The following GPC5 variants were observed in gnomAD, a reference collection of about 807,000 sequenced individuals.
GPC5 encodes glypican-5.
GPC5 carries 47 observed loss-of-function variants against 53.9 expected under a neutral mutation model. That is an observed-to-expected ratio of 0.87 (90% confidence interval 0.69 to 1.11). The LOEUF is 1.11. Among genes scored for constraint, GPC5 ranks in the 50% most tolerant of loss-of-function variants. The pLI is 0.00. For missense variants in GPC5, 748 were observed against 713.1 expected (o/e 1.05, Z -0.56); for synonymous variants, 286 against 263.3 (o/e 1.09, Z -0.84).
At chr13:91,651,718 CA>C (rs36117858) in intron 2 of GPC5, among the ~76,000 whole-genome samples, 1,345 of 91,788 alleles carry the variant, frequency 0.015, 10 homozygotes, top group East Asian at 0.088. Flanking sequence ...AACTCAGTCT[CA>C]AAAAAAAAAA....
At chr13:92,529,098 T>C (rs1881463950) in intron 7 of GPC5, among the ~76,000 whole-genome samples, 1 of 152,184 alleles carries the variant, frequency 6.6e-6, no homozygotes, top group African/African-American at 2.4e-5. Context: ...ATCTTGCTTT[T>C]TAGAATACTT....
At chr13:92,436,376 G>A (rs1877305507) in intron 7 of GPC5, among the ~76,000 whole-genome samples, 1 of 152,138 alleles carries the variant, frequency 6.6e-6, no homozygotes, top group African/African-American at 2.4e-5. Context: ...GAAGAAAAGT[G>A]CCTTTCTCTC....
At chr13:91,634,737 C>T (rs9589317) in intron 2 of GPC5, among the ~76,000 whole-genome samples, 3,101 of 151,948 alleles carry the variant, frequency 0.02, 93 homozygotes, top group African/African-American at 0.071. Context: ...ATGTGAGCAT[C>T]GTGATGGCTA....
intron 5 of GPC5, among the ~76,000 whole-genome samples, chr13:91,823,456 A>T (rs745453969): frequency 1.3e-5 from 2 of 152,092 alleles, no homozygotes; most frequent in Non-Finnish European, 2.9e-5. Context: ...TAAAATTACC[A>T]AAGAGTATGT....
intron 7 of GPC5, among the ~76,000 whole-genome samples, chr13:92,634,828 C>T (rs1321354541): frequency 2.6e-5 from 4 of 151,880 alleles, no homozygotes; most frequent in East Asian, 1.9e-4. Flanking sequence ...TTCTTTTCTC[C>T]GTTGGTTCTA....
At chr13:92,814,945 C>T (rs1311586779) in intron 7 of GPC5, among the ~76,000 whole-genome samples, 1 of 151,738 alleles carries the variant, frequency 6.6e-6, no homozygotes, top group Non-Finnish European at 1.5e-5. Flanking sequence ...TCTCAAATCG[C>T]AAACCACATT....
intron 7 of GPC5, among the ~76,000 whole-genome samples, chr13:92,174,710 C>T (rs1439570852): frequency 6.6e-6 from 1 of 151,648 alleles, no homozygotes; most frequent in Non-Finnish European, 1.5e-5. Flanking sequence ...ACAGATTAGT[C>T]AAAAATACGG....
chr13:92,457,597 T>C (rs1274367689), intron 7 of GPC5, among the ~76,000 whole-genome samples: 1 of 152,196 alleles, frequency 6.6e-6, no homozygotes, highest in African/African-American at 2.4e-5. Flanking sequence ...AGGATAATTA[T>C]AGGATGAATT....
chr13:91,588,438 A>G (rs183331110), intron 2 of GPC5, among the ~76,000 whole-genome samples: 57 of 152,240 alleles, frequency 3.7e-4, no homozygotes, highest in Middle Eastern at 3.4e-3. Flanking sequence ...CTCATTTTGC[A>G]TTGCTGAGTA....
intron 7 of GPC5, among the ~76,000 whole-genome samples, chr13:92,184,498 C>T (rs556051448): frequency 6.6e-6 from 1 of 152,238 alleles, no homozygotes; most frequent in South Asian, 2.1e-4. Context: ...AAGCTTTTAG[C>T]TTCTGTCTTT....
chr13:92,642,201 CA>C (rs1885617413), intron 7 of GPC5, among the ~76,000 whole-genome samples: 2 of 152,160 alleles, frequency 1.3e-5, no homozygotes, highest in African/African-American at 4.8e-5. Flanking sequence ...GGCCCACCTA[CA>C]TTAGGTTGGT....
chr13:92,495,674 T>C (rs1425893110), intron 7 of GPC5, among the ~76,000 whole-genome samples: 1 of 151,926 alleles, frequency 6.6e-6, no homozygotes, highest in East Asian at 1.9e-4. Context: ...TTCTAGGAGA[T>C]GTCTTCATTG....
chr13:91,620,783 G>T (rs775583355), intron 2 of GPC5, among the ~76,000 whole-genome samples: 1 of 152,102 alleles, frequency 6.6e-6, no homozygotes, highest in Non-Finnish European at 1.5e-5. Flanking sequence ...TGGTCTGGAG[G>T]TTGGAAGTGG....
chr13:92,515,450 A>G (rs1026696796), intron 7 of GPC5, among the ~76,000 whole-genome samples: 14 of 152,184 alleles, frequency 9.2e-5, no homozygotes, highest in African/African-American at 3.1e-4. Flanking sequence ...ATGAAGCTTG[A>G]CACCAGTATG....
chr13:91,731,991 C>A (rs2036709575), intron 4 of GPC5, among the ~76,000 whole-genome samples: 1 of 152,206 alleles, frequency 6.6e-6, no homozygotes, highest in Non-Finnish European at 1.5e-5. Flanking sequence ...CTGCAATAAA[C>A]ATACATGTGC....
At chr13:92,643,184 C>G (rs1330548514) in intron 7 of GPC5, among the ~76,000 whole-genome samples, 1 of 152,030 alleles carries the variant, frequency 6.6e-6, no homozygotes, top group Non-Finnish European at 1.5e-5. Context: ...TGCCTGTTCA[C>G]TCTGATGGTA....
chr13:91,604,324 T>C (rs890915079), intron 2 of GPC5, among the ~76,000 whole-genome samples: 50 of 148,420 alleles, frequency 3.4e-4, no homozygotes, highest in Admixed American at 1.3e-4. Context: ...GGTGTATATG[T>C]GCCACATTTT....
chr13:92,536,821 C>T (rs1881739474), intron 7 of GPC5, among the ~76,000 whole-genome samples: 1 of 151,950 alleles, frequency 6.6e-6, no homozygotes, highest in South Asian at 2.1e-4. Flanking sequence ...ATTTTTTATA[C>T]ATTAATGATA....
chr13:92,443,674 A>G (rs1877671879), intron 7 of GPC5, among the ~76,000 whole-genome samples: 1 of 152,222 alleles, frequency 6.6e-6, no homozygotes, highest in African/African-American at 2.4e-5. Context: ...GCAAGGTAGT[A>G]ATGATAATAT....
Sources: gnomAD v4.1 joint callset for allele counts (sites outside exome capture counted in the v4.1 genomes callset) on GRCh38, gnomAD v4.1.1 for gene constraint, MANE v1.5 for transcripts, NCBI Gene and HGNC (gene_info 2026-07-23, HGNC 2026-07-21) for gene names.